Variants in ARHGAP26 observed in about 807,000 individuals in gnomAD.
ARHGAP26 encodes the protein rho GTPase-activating protein 26.
In ARHGAP26, 38 loss-of-function variants were observed where a neutral mutation model predicts 104.8. The observed-to-expected ratio is 0.36, with a 90% confidence interval of 0.28 to 0.48. ARHGAP26 has a LOEUF of 0.48. ARHGAP26 is among the 20% of genes least tolerant of loss of function. The pLI is 0.99. For synonymous variants in ARHGAP26, 341 were observed against 340.0 expected (o/e 1.00, Z -0.03); for missense variants, 704 against 947.9 (o/e 0.74, Z 3.38).
chr5:143,169,255 C>A (rs853167), intron 20 of ARHGAP26, among the ~76,000 whole-genome samples: 76,632 of 152,132 alleles, frequency 0.5, 20,360 homozygotes, highest in African/African-American at 0.67. Context: ...CAGATTTACC[C>A]ATCAGTGTTC....
In ARHGAP26 at chr5:142,770,927, G is replaced by C; in HGVS notation, c.154+12G>C. ...AAGCGCGCTCAAGAGTGAGTGTCCCGAGCCCCTCGGGGACGCGGCTCCGGG... is the reference window on the plus strand; with the variant it reads ...AAGCGCGCTCAAGAGTGAGTGTCCCCAGCCCCTCGGGGACGCGGCTCCGGG... On this transcript the variant is annotated intron_variant, in intron 1 of 22. Transcript: ENST00000645722. 1 of 1,599,254 alleles carries C rather than the reference G, an allele frequency of 6.3e-7. No individual in the cohort carries two copies. The highest frequency in any genetic ancestry group is 1.1e-5 in the South Asian group (1 of 89,884).
intron 21 of ARHGAP26, among the ~76,000 whole-genome samples, chr5:143,207,914 C>A (rs1339651734): frequency 6.6e-6 from 1 of 152,216 alleles, no homozygotes; most frequent in African/African-American, 2.4e-5. Context: ...GGAGAGACGT[C>A]GAACATAGAA....
At chr5:143,207,820 G>A (rs1266727631) in intron 21 of ARHGAP26, among the ~76,000 whole-genome samples, 1 of 152,246 alleles carries the variant, frequency 6.6e-6, no homozygotes, top group Non-Finnish European at 1.5e-5. Context: ...TGTTTATCAG[G>A]CAGCGTCAGG....
chr5:142,867,578 A>G (rs1194232893), intron 1 of ARHGAP26, among the ~76,000 whole-genome samples: 1 of 152,116 alleles, frequency 6.6e-6, no homozygotes, highest in Non-Finnish European at 1.5e-5. Flanking sequence ...TCCTTAAACC[A>G]TTTTAACTGC....
chr5:143,092,569 A>G (rs991022976), intron 17 of ARHGAP26, among the ~76,000 whole-genome samples: 7 of 151,936 alleles, frequency 4.6e-5, no homozygotes, highest in African/African-American at 1.5e-4. Context: ...TTTTTTCTCA[A>G]AAATGATAAC....
rs370771648 is a variant in ARHGAP26 at position 143,024,401 on chromosome 5, T to C, written c.1144+10285T>C. Among the ~76,000 whole-genome samples the C allele has an allele frequency of 3.7e-4, 57 of 152,242 alleles. 1 individual carries two copies. The highest frequency in any genetic ancestry group is 2.5e-3 in the Admixed American group (38 of 15,298). ...CTAATATTCCCCTTTCCCTCAGTGATGTGGGCTCTGTACTGACAGCAGGCT... is the reference window on the plus strand; with the variant it reads ...CTAATATTCCCCTTTCCCTCAGTGACGTGGGCTCTGTACTGACAGCAGGCT... On this transcript the variant is annotated intron_variant, in intron 12 of 22. Coordinates refer to ENST00000645722, the MANE Select transcript of ARHGAP26 (RefSeq NM_001135608.3).
intron 10 of ARHGAP26, among the ~76,000 whole-genome samples, chr5:142,913,612 T>C (rs937854207): frequency 6.6e-6 from 1 of 152,184 alleles, no homozygotes. Flanking sequence ...CTCCAGGAGA[T>C]TGAGTAGTAG....
Position 142,909,191 on chromosome 5 carries a change from A to G in ARHGAP26, c.933+1387A>G, listed in dbSNP as rs566845913. Among the ~76,000 whole-genome samples, 26 of 152,198 alleles carry G rather than the reference A, an allele frequency of 1.7e-4. No individual in the cohort carries two copies. The South Asian group carries it at 4.6e-3, about 27-fold the overall frequency. On this transcript the variant is annotated intron_variant, in intron 9 of 22. Coordinates refer to ENST00000645722, the MANE Select transcript of ARHGAP26 (RefSeq NM_001135608.3). ...AAATGTTTTTAATACAAATATTTAC[A>G]TGTTTTATCTGTTTGAGTCTCTGGA... is the stretch of plus-strand genomic sequence containing the variant.
chr5:143,073,700 A>G (rs962295322), intron 17 of ARHGAP26, among the ~76,000 whole-genome samples: 8 of 152,212 alleles, frequency 5.3e-5, no homozygotes, highest in Non-Finnish European at 2.9e-5. Context: ...ATGTACACAC[A>G]CTGCAGTCAA....
At chr5:142,937,104 T>C (rs896643940) in intron 11 of ARHGAP26, among the ~76,000 whole-genome samples, 2 of 152,116 alleles carry the variant, frequency 1.3e-5, no homozygotes, top group African/African-American at 4.8e-5. Context: ...TGGTAGAAAA[T>C]ATTTGCAAAA....
chr5:142,942,865 C>T (rs1766568526), intron 11 of ARHGAP26, among the ~76,000 whole-genome samples: 1 of 152,212 alleles, frequency 6.6e-6, no homozygotes, highest in African/African-American at 2.4e-5. Flanking sequence ...ACTACAACCT[C>T]TGCCTCCCAG....
At chr5:143,213,157 A>G (rs1043665853) in intron 21 of ARHGAP26, among the ~76,000 whole-genome samples, 1 of 152,134 alleles carries the variant, frequency 6.6e-6, no homozygotes, top group African/African-American at 2.4e-5. Context: ...CAAACAAACA[A>G]AAACTACTGA....
At chr5:142,771,553 G>A (rs984270865) in intron 1 of ARHGAP26, among the ~76,000 whole-genome samples, 1 of 152,188 alleles carries the variant, frequency 6.6e-6, no homozygotes, top group African/African-American at 2.4e-5. Flanking sequence ...GAAGGTGATA[G>A]GGGTGGGAGT....
chr5:143,012,602 T>A (rs1779049311), intron 11 of ARHGAP26, among the ~76,000 whole-genome samples: 1 of 112,080 alleles, frequency 8.9e-6, no homozygotes, highest in Admixed American at 1.0e-4. Flanking sequence ...CTTATGCCTT[T>A]CTATACCTAC....
chr5:142,780,368 G>T (rs1757256230), intron 1 of ARHGAP26, among the ~76,000 whole-genome samples: 2 of 152,188 alleles, frequency 1.3e-5, no homozygotes. Context: ...AAATGAAACT[G>T]CTGGACCAAA....
At chr5:142,883,609 G>A (rs567564338) in intron 4 of ARHGAP26, among the ~76,000 whole-genome samples, 50 of 152,332 alleles carry the variant, frequency 3.3e-4, no homozygotes, top group African/African-American at 1.0e-3. Flanking sequence ...TTAGGGCTCC[G>A]GGTGATGGCT....
intron 1 of ARHGAP26, among the ~76,000 whole-genome samples, chr5:142,838,335 A>G (rs1411680142): frequency 6.6e-6 from 1 of 152,120 alleles, no homozygotes; most frequent in African/African-American, 2.4e-5. Context: ...TAACAAGGAA[A>G]TAGGTTTTGC....
At chr5:142,780,894 C>G (rs1239718551) in intron 1 of ARHGAP26, among the ~76,000 whole-genome samples, 1 of 152,204 alleles carries the variant, frequency 6.6e-6, no homozygotes, top group African/African-American at 2.4e-5. Flanking sequence ...TGCATGACAT[C>G]TCTCTCTGGC....
At chr5:143,060,274 C>T (rs1320222745) in intron 17 of ARHGAP26, among the ~76,000 whole-genome samples, 12 of 152,226 alleles carry the variant, frequency 7.9e-5, no homozygotes, top group Non-Finnish European at 1.6e-4. Context: ...TTATTACTTA[C>T]TGTTTGCCTT....
Sources: allele counts gnomAD v4.1 joint callset (sites outside exome capture counted in the v4.1 genomes callset), GRCh38; gene constraint gnomAD v4.1.1; transcripts MANE v1.5; gene names NCBI Gene and HGNC (gene_info 2026-07-23, HGNC 2026-07-21).